IGSF10: variants seen among roughly 807,000 people sequenced by gnomAD.
The protein encoded by IGSF10 is calvaria mechanical force protein 608.
Under a neutral mutation model 128.2 loss-of-function variants are expected in IGSF10, and 126 were observed. That is an observed-to-expected ratio of 0.98 (90% CI 0.85 to 1.14). IGSF10 has a LOEUF of 1.14. Ranked by LOEUF, IGSF10 falls within the 50% of genes most tolerant of loss-of-function variation. The pLI, the probability that IGSF10 is intolerant of heterozygous loss-of-function variation, is 0.00. For missense variants in IGSF10, 3,295 were observed against 3,149.8 expected (o/e 1.05, Z -1.10); for synonymous variants, 1,185 against 1,146.2 (o/e 1.03, Z -0.68).
chr3:151,578,918 A>C, the IGSF10 span, among the ~76,000 whole-genome samples: 1 of 152,192 alleles, frequency 6.6e-6, no homozygotes, highest in Non-Finnish European at 1.5e-5. Context: ...ACCAAGACTG[A>C]GGATAAAGAA....
At chr3:151,618,600 GGTGCCT>G in the IGSF10 span, among the ~76,000 whole-genome samples, 4 of 151,548 alleles carry the variant, frequency 2.6e-5, no homozygotes, top group South Asian at 8.3e-4. Context: ...CGTGGTGGTG[GGTGCCT>G]GTAGTCCCAG....
chr3:151,541,866 T>C, the IGSF10 span, among the ~76,000 whole-genome samples: 1 of 102,308 alleles, frequency 9.8e-6, no homozygotes, highest in Non-Finnish European at 1.9e-5. Context: ...AAGCTAAGCA[T>C]GGCCACTTTC....
chr3:151,619,909 G>A, the IGSF10 span, among the ~76,000 whole-genome samples: 4 of 152,118 alleles, frequency 2.6e-5, no homozygotes, highest in African/African-American at 9.7e-5. Context: ...CCCTCACCAT[G>A]GGATGCATTG....
the IGSF10 span, among the ~76,000 whole-genome samples, chr3:151,521,982 T>C: frequency 6.7e-6 from 1 of 149,144 alleles, no homozygotes; most frequent in Non-Finnish European, 1.5e-5. Context: ...AAAGAGAAAA[T>C]CCAAATAAAC....
chr3:151,469,546 G>T, the IGSF10 span, among the ~76,000 whole-genome samples: 2 of 152,034 alleles, frequency 1.3e-5, no homozygotes, highest in Admixed American at 6.6e-5. Flanking sequence ...AAGCAGAATT[G>T]TTATGCTGTC....
At chr3:151,602,659 C>A in the IGSF10 span, among the ~76,000 whole-genome samples, 1 of 152,166 alleles carries the variant, frequency 6.6e-6, no homozygotes, top group African/African-American at 2.4e-5. Flanking sequence ...TGCCTGACCA[C>A]TGAGACTCCT....
At position 151,446,908 on chromosome 3, in the gene IGSF10, G is replaced by A. The variant is rs769122964; in HGVS notation, c.3073C>T (p.Pro1025Ser). The A allele has an allele frequency of 1.2e-6, 2 of 1,614,158 alleles. No individual in the cohort carries two copies. The highest frequency in any genetic ancestry group is 3.3e-5 in the Admixed American group (2 of 60,020). ...CGTCGCAGAACTGGAGTTCTATATG[G>A]GCTGATAATCCGCCCCCTTCCGCCA... The part of the protein sequence containing the change: ...KIGGRGRIIS[P>S]YRTPVLRRHR... Residue 1025 changes from proline to serine, a missense_variant, in exon 6 of 8, where the codon CCA becomes TCA. Physicochemically the swap from Pro to Ser is moderately conservative, Grantham distance 74 (BLOSUM62 -1). Coordinates refer to ENST00000282466, the MANE Select transcript of IGSF10 (RefSeq NM_178822.5).
At chr3:151,433,895 A>G (rs575528470), downstream of IGSF10, 6 of 152,820 alleles carry the variant, frequency 3.9e-5, no homozygotes, top group Admixed American at 2.0e-4. Flanking sequence ...CAAAAAGCAC[A>G]AGTAAATTAT....
the IGSF10 span, among the ~76,000 whole-genome samples, chr3:151,496,901 G>A: frequency 6.6e-6 from 1 of 152,070 alleles, no homozygotes; most frequent in Non-Finnish European, 1.5e-5. Flanking sequence ...TCTCATTGTG[G>A]TTTTGATTTG....
chr3:151,556,058 T>G, the IGSF10 span, among the ~76,000 whole-genome samples: 1 of 152,194 alleles, frequency 6.6e-6, no homozygotes, highest in Non-Finnish European at 1.5e-5. Flanking sequence ...AATACTGGGC[T>G]GCAGCAGTCT....
Position 151,448,170 on chromosome 3 carries a change from G to C in IGSF10, c.1811C>G (p.Ser604Cys). Residue 604 changes from serine (S) to cysteine (C), a missense_variant, in exon 6 of 8, where the codon TCT becomes TGT. Coordinates refer to ENST00000282466, the MANE Select transcript of IGSF10 (RefSeq NM_178822.5). ...PCHSTGIPDASISWVIPGNNV... is the reference protein window; with the variant it reads ...PCHSTGIPDACISWVIPGNNV... ...GTTTCCTGGAATAACCCAGCTAATA[G>C]AGGCATCTGGGATACCAGTAGAATG... 1 of 1,614,150 alleles carries C rather than the reference G, an allele frequency of 6.2e-7. No homozygotes were observed. Among genetic ancestry groups the C allele is most frequent in the East Asian group, 2.2e-5 (1 of 44,882 alleles).
At chr3:151,468,647 G>A in the IGSF10 span, among the ~76,000 whole-genome samples, 1 of 152,154 alleles carries the variant, frequency 6.6e-6, no homozygotes, top group African/African-American at 2.4e-5. Flanking sequence ...ATGAATACTG[G>A]AGCTATTCTA....
At chr3:151,565,491 T>C in the IGSF10 span, among the ~76,000 whole-genome samples, 3 of 152,082 alleles carry the variant, frequency 2.0e-5, no homozygotes, top group Admixed American at 2.0e-4. Flanking sequence ...ATTGTCAAAA[T>C]TGAAACAAGG....
At chr3:151,513,830 GACAA>G in the IGSF10 span, among the ~76,000 whole-genome samples, 36 of 152,074 alleles carry the variant, frequency 2.4e-4, no homozygotes, top group Non-Finnish European at 5.0e-4. Context: ...ACCAATAACA[GACAA>G]ACAGAGACCA....
the IGSF10 span, among the ~76,000 whole-genome samples, chr3:151,544,247 C>T: frequency 6.6e-6 from 1 of 152,170 alleles, no homozygotes; most frequent in Non-Finnish European, 1.5e-5. Flanking sequence ...TACTCAAACA[C>T]ATCAGGACTG....
At chr3:151,444,812 A>G in intron 6 of IGSF10, 107 bp downstream of exon 6, 1 of 1,062,880 alleles carries the variant, frequency 9.4e-7, no homozygotes, top group South Asian at 1.7e-5. Flanking sequence ...TTTGTCTTAG[A>G]AAAATTTGAA....
the IGSF10 span, among the ~76,000 whole-genome samples, chr3:151,466,156 A>G: frequency 1.3e-5 from 2 of 152,050 alleles, no homozygotes; most frequent in African/African-American, 4.8e-5. Context: ...TGTCAAATTT[A>G]ATTTGTCTGA....
the IGSF10 span, among the ~76,000 whole-genome samples, chr3:151,528,916 T>C: frequency 1.0e-3 from 117 of 112,790 alleles, no homozygotes; most frequent in African/African-American, 3.8e-3. Context: ...GCTTGGTGGG[T>C]CCCACCCCCA....
chr3:151,619,466 G>T, the IGSF10 span, among the ~76,000 whole-genome samples: 1 of 149,488 alleles, frequency 6.7e-6, no homozygotes, highest in Non-Finnish European at 1.5e-5. Context: ...GTGTGTGTGT[G>T]TGTGTGTATG....
Sources: allele counts gnomAD v4.1 joint callset (sites outside exome capture counted in the v4.1 genomes callset), GRCh38; gene constraint gnomAD v4.1.1; transcripts MANE v1.5; gene names NCBI Gene and HGNC (gene_info 2026-07-23, HGNC 2026-07-21).